Variants in PAX3 observed in about 807,000 individuals in gnomAD.
The protein encoded by PAX3 is paired box 3.
In PAX3, 14 loss-of-function variants were observed where a neutral mutation model predicts 51.6. The observed-to-expected ratio is 0.27, with a 90% CI of 0.18 to 0.42. PAX3 has a LOEUF of 0.42. PAX3 is among the 10% of genes least tolerant of loss of function. PAX3 has a pLI of 1.00. For synonymous variants in PAX3, 280 were observed against 253.4 expected, an observed-to-expected ratio of 1.11 and a Z score of -1.00; for missense variants, 540 against 642.8, an observed-to-expected ratio of 0.84 and a Z score of 1.73.
chr2:222,232,388 C>T lies in PAX3; in HGVS notation c.587-105G>A, dbSNP rs1692630572. The T allele has an allele frequency of 1.4e-5, 13 of 898,100 alleles. No individual in the cohort carries two copies. The Middle Eastern group carries it at 1.2e-3, about 84-fold the overall frequency. 55.6% of individuals were successfully genotyped at this position (898,100 alleles called of 1,614,324 possible). A position where few individuals can be genotyped will look rare whatever the true frequency, so the allele number is the denominator to read the frequency against. Reference sequence around the variant, plus strand: ...GACTGCAAGACACCATTACAGTGATCCCTATACCTAAAGTAAAATAAATGT... The same window carrying T: ...GACTGCAAGACACCATTACAGTGATTCCTATACCTAAAGTAAAATAAATGT... On this transcript the variant is annotated intron_variant, in intron 4 of 8. Transcript: ENST00000392070.
intron 4 of PAX3, among the ~76,000 whole-genome samples, chr2:222,271,672 G>A (rs916628858): frequency 1.3e-5 from 2 of 152,174 alleles, no homozygotes; most frequent in African/African-American, 4.8e-5. Context: ...AAATAACCTA[G>A]TCATTGAAGC....
At chr2:222,252,564 A>C (rs1202751099) in intron 4 of PAX3, among the ~76,000 whole-genome samples, 1 of 152,192 alleles carries the variant, frequency 6.6e-6, no homozygotes, top group Non-Finnish European at 1.5e-5. Context: ...GCCCATCATC[A>C]CTATCACCAT....
intron 7 of PAX3, 100 bp downstream of exon 7, chr2:222,220,040 T>G (rs1692123314): frequency 2.0e-6 from 2 of 1,000,906 alleles, no homozygotes; most frequent in Non-Finnish European, 1.5e-6. Context: ...AAGAATACAT[T>G]ATGGTTTAAA....
intron 4 of PAX3, among the ~76,000 whole-genome samples, chr2:222,289,381 A>T (rs1369581820): frequency 6.6e-6 from 1 of 152,170 alleles, no homozygotes; most frequent in Non-Finnish European, 1.5e-5. Flanking sequence ...TGGATGCTGA[A>T]GCCATTCGGA....
chr2:222,276,770 GC>G (rs1411666415), intron 4 of PAX3, among the ~76,000 whole-genome samples: 2 of 152,198 alleles, frequency 1.3e-5, no homozygotes, highest in Non-Finnish European at 2.9e-5. Flanking sequence ...TAAGGGTTTT[GC>G]CCACCTGCCC....
At chr2:222,292,709 A>G (rs1311899783) in intron 4 of PAX3, among the ~76,000 whole-genome samples, 1 of 152,176 alleles carries the variant, frequency 6.6e-6, no homozygotes, top group Non-Finnish European at 1.5e-5. Flanking sequence ...TAGGCCTGGG[A>G]TAAAAGCCAA....
At chr2:222,245,516 G>A (rs1693192688) in intron 4 of PAX3, among the ~76,000 whole-genome samples, 1 of 152,214 alleles carries the variant, frequency 6.6e-6, no homozygotes, top group African/African-American at 2.4e-5. Flanking sequence ...GCAGGTTTCT[G>A]CATGAATTAT....
At chr2:222,220,737 G>A (rs756229377) in intron 6 of PAX3, among the ~76,000 whole-genome samples, 2 of 152,188 alleles carry the variant, frequency 1.3e-5, no homozygotes, top group Non-Finnish European at 2.9e-5. Context: ...AAATATTTGT[G>A]TAATAATATA....
intron 4 of PAX3, among the ~76,000 whole-genome samples, chr2:222,243,559 C>T (rs1423557312): frequency 1.3e-5 from 2 of 152,150 alleles, no homozygotes; most frequent in Non-Finnish European, 2.9e-5. Flanking sequence ...CCTGTGGCAA[C>T]AGAAAGATTA....
Position 222,201,213 on chromosome 2 carries a change from G to C in PAX3, c.*195C>G, listed in dbSNP as rs776608873. On this transcript the variant is annotated 3_prime_UTR_variant, in exon 9 of 9. Coordinates refer to ENST00000392070, the MANE Select transcript of PAX3 (RefSeq NM_181458.4). ...CTTCCTCTTCTCCACTGCTTTTGTC[G>C]AACGTGTTCAAAAGGATTTGAAACC... 14 of 1,613,868 alleles carry C rather than the reference G, an allele frequency of 8.7e-6. No homozygotes were observed. In the South Asian group the frequency reaches 9.9e-5, roughly 11 times the overall value.
rs753280020 is a variant in PAX3 at position 222,232,265 on chromosome 2, T to G, written c.605A>C (p.Asp202Ala). The stretch of plus-strand genomic sequence containing the variant: ...TTCAGAGTCAATATCAGAGCCTTCA[T>G]CTGATTGGGGTGCTGAGGCTAAAAG... ...LSERASAPQS[D>A]EGSDIDSEPD... Residue 202 changes from aspartate (D) to alanine (A), a missense_variant, in exon 5 of 9, where the codon GAT (aspartate) becomes GCT (alanine). By Grantham distance (126) the Asp-to-Ala change is moderately radical. This residue lies in a region of PAX3 where 427 missense variants were observed against 483.6 expected (regional missense o/e 0.88). Transcript: ENST00000392070. 6.2e-7 allele frequency: 1 copy of G among 1,614,022 alleles called. No homozygotes were observed. Among genetic ancestry groups the G allele is most frequent in the South Asian group, 1.1e-5 (1 of 91,080 alleles).
At chr2:222,269,503 G>C (rs1194692550) in intron 4 of PAX3, among the ~76,000 whole-genome samples, 1 of 152,296 alleles carries the variant, frequency 6.6e-6, no homozygotes, top group East Asian at 1.9e-4. Context: ...TTCGTGAAGA[G>C]GAGGCTGGCC....
At chr2:222,255,796 T>C (rs1434784941) in intron 4 of PAX3, among the ~76,000 whole-genome samples, 2 of 151,532 alleles carry the variant, frequency 1.3e-5, no homozygotes, top group East Asian at 3.9e-4. Flanking sequence ...TTTTTTTTTT[T>C]TTTGAGACAG....
intron 7 of PAX3, among the ~76,000 whole-genome samples, chr2:222,208,064 G>A (rs557321670): frequency 7.3e-5 from 11 of 151,218 alleles, no homozygotes; most frequent in South Asian, 4.2e-4. Context: ...ACCATATCAC[G>A]TCCATCTATT....
chr2:222,242,364 A>C (rs1693048003), intron 4 of PAX3: 1 of 152,196 alleles, frequency 6.6e-6, no homozygotes, highest in Non-Finnish European at 1.5e-5. Context: ...TAAGAAAAGC[A>C]GCTACTTACT....
At chr2:222,230,832 G>A (rs10932946) in intron 5 of PAX3, among the ~76,000 whole-genome samples, 3,771 of 136,056 alleles carry the variant, frequency 0.028, 144 homozygotes, top group African/African-American at 0.092. Context: ...TCCAGCCTGG[G>A]TGACAGAGTG....
At chr2:222,206,945 T>C (rs1691534995) in intron 7 of PAX3, among the ~76,000 whole-genome samples, 1 of 152,152 alleles carries the variant, frequency 6.6e-6, no homozygotes, top group Admixed American at 6.6e-5. Flanking sequence ...TTTCTTGTTC[T>C]TAAGTAGTCA....
At chr2:222,286,577 TA>T (rs952538576) in intron 4 of PAX3, among the ~76,000 whole-genome samples, 18 of 152,252 alleles carry the variant, frequency 1.2e-4, no homozygotes, top group African/African-American at 4.1e-4. Context: ...TTGTTTCACT[TA>T]AAAAATCCTG....
chr2:222,272,132 C>T (rs1035599881), intron 4 of PAX3, among the ~76,000 whole-genome samples: 13 of 152,048 alleles, frequency 8.5e-5, no homozygotes, highest in South Asian at 6.2e-4. Flanking sequence ...GCATAGTAGC[C>T]GCCACTGTTT....
Sources: allele counts gnomAD v4.1 joint callset (sites outside exome capture counted in the v4.1 genomes callset), GRCh38; gene constraint gnomAD v4.1.1; regional missense constraint gnomAD v4.1.1; transcripts MANE v1.5; gene names NCBI Gene and HGNC (gene_info 2026-07-23, HGNC 2026-07-21).